RNLS: variants seen among roughly 807,000 people sequenced by gnomAD.
RNLS encodes the protein renalase, FAD dependent amine oxidase, also known as renalase.
RNLS carries 39 observed loss-of-function variants against 39.8 expected under a neutral mutation model. The observed-to-expected ratio is 0.98, with a 90% CI of 0.76 to 1.28. The LOEUF is 1.28. Among genes scored for constraint, RNLS ranks in the 50% most tolerant of loss-of-function variants. The pLI is 0.00. For synonymous variants in RNLS, 147 were observed against 150.7 expected (o/e 0.98, Z 0.18); for missense variants, 410 against 413.3 (o/e 0.99, Z 0.07).
intron 4 of RNLS, among the ~76,000 whole-genome samples, chr10:88,563,866 G>A (rs1253936722): frequency 6.6e-6 from 1 of 152,132 alleles, no homozygotes; most frequent in Non-Finnish European, 1.5e-5. Flanking sequence ...ATTTTTAAAT[G>A]TAAGCAAAAT....
chr10:88,277,894 A>G (rs1020240484), intron 6 of RNLS, among the ~76,000 whole-genome samples: 48 of 152,192 alleles, frequency 3.2e-4, no homozygotes, highest in African/African-American at 1.1e-3. Context: ...TCCCGTTTCT[A>G]AATTTATCAT....
At chr10:88,175,267 T>C in the RNLS span, among the ~76,000 whole-genome samples, 1 of 152,102 alleles carries the variant, frequency 6.6e-6, no homozygotes, top group African/African-American at 2.4e-5. Flanking sequence ...TCTGATTTTA[T>C]AGTTTCCTTC....
chr10:88,576,828 A>G (rs527260665), intron 3 of RNLS, among the ~76,000 whole-genome samples: 108 of 152,208 alleles, frequency 7.1e-4, no homozygotes, highest in Admixed American at 2.0e-3. Context: ...TAATAAATTG[A>G]TCTTGTCAAT....
chr10:88,267,848 T>C, the RNLS span, among the ~76,000 whole-genome samples: 1 of 152,166 alleles, frequency 6.6e-6, no homozygotes, highest in African/African-American at 2.4e-5. Context: ...AGTGTCTTCT[T>C]AAAGGTCTCA....
intron 4 of RNLS, among the ~76,000 whole-genome samples, chr10:88,544,636 A>G (rs577538196): frequency 2.2e-4 from 33 of 152,322 alleles, no homozygotes; most frequent in African/African-American, 7.9e-4. Flanking sequence ...TTAAAATGTC[A>G]AGTGTGGCCT....
intron 4 of RNLS, among the ~76,000 whole-genome samples, chr10:88,449,873 G>A (rs1448331434): frequency 6.6e-6 from 1 of 152,010 alleles, no homozygotes; most frequent in East Asian, 1.9e-4. Context: ...AAAGAATGTT[G>A]GAGCTCTCTG....
At chr10:88,370,165 T>C in intron 4 of RNLS, among the ~76,000 whole-genome samples, 1 of 152,156 alleles carries the variant, frequency 6.6e-6, no homozygotes. Context: ...ACCAAATCCA[T>C]GGGCCCAGGA....
the RNLS span, among the ~76,000 whole-genome samples, chr10:88,240,434 T>C: frequency 6.6e-6 from 1 of 151,948 alleles, no homozygotes; most frequent in Non-Finnish European, 1.5e-5. Flanking sequence ...AAATTTAGGC[T>C]ACTGGCACTA....
At chr10:88,529,405 A>T (rs1401322943) in intron 4 of RNLS, among the ~76,000 whole-genome samples, 1 of 152,134 alleles carries the variant, frequency 6.6e-6, no homozygotes, top group African/African-American at 2.4e-5. Context: ...CATTCTTCCA[A>T]CATGCTATAT....
At chr10:88,538,144 G>T (rs571505587) in intron 4 of RNLS, among the ~76,000 whole-genome samples, 2 of 152,254 alleles carry the variant, frequency 1.3e-5, no homozygotes, top group South Asian at 2.1e-4. Context: ...GCCAGACAGG[G>T]TCTTTATTTA....
intron 4 of RNLS, among the ~76,000 whole-genome samples, chr10:88,500,934 A>T (rs747665595): frequency 6.6e-6 from 1 of 151,992 alleles, no homozygotes; most frequent in Non-Finnish European, 1.5e-5. Context: ...ATGTAATGAG[A>T]TTATTGTTTT....
the RNLS span, among the ~76,000 whole-genome samples, chr10:88,240,406 C>CTT: frequency 8.0e-3 from 866 of 108,660 alleles, 9 homozygotes; most frequent in East Asian, 0.04. Flanking sequence ...GCAAAAAGTC[C>CTT]TTTTTTTAAA....
intron 4 of RNLS, among the ~76,000 whole-genome samples, chr10:88,363,322 A>T (rs544183312): frequency 1.0e-3 from 155 of 152,180 alleles, no homozygotes; most frequent in Non-Finnish European, 1.9e-3. Flanking sequence ...GGATGGGATG[A>T]TCTGTGCAGC....
intron 4 of RNLS, among the ~76,000 whole-genome samples, chr10:88,437,924 C>T (rs560044035): frequency 3.3e-5 from 5 of 151,940 alleles, no homozygotes; most frequent in African/African-American, 9.7e-5. Flanking sequence ...GTTGGGAGTT[C>T]GAGACCAGCC....
chr10:88,214,051 G>T, the RNLS span, among the ~76,000 whole-genome samples: 1 of 152,088 alleles, frequency 6.6e-6, no homozygotes, highest in East Asian at 1.9e-4. Context: ...TCCATTTCTC[G>T]GCTCTGTCTT....
chr10:88,270,987 C>T (rs1042639683), downstream of RNLS, among the ~76,000 whole-genome samples: 1 of 152,090 alleles, frequency 6.6e-6, no homozygotes, highest in African/African-American at 2.4e-5. Flanking sequence ...CTGCTCTTGG[C>T]GGGCTGGTGG....
At position 88,285,522 on chromosome 10, in the gene RNLS, G is replaced by A. The variant is rs768804848; in HGVS notation, c.877-16C>T. On this transcript the variant is annotated splice_polypyrimidine_tract_variant and intron_variant, in intron 6 of 6. Transcript: ENST00000331772. The stretch of plus-strand genomic sequence containing the variant: ...CATTTGTAACCTGAAAAAGTAAAAA[G>A]AGGATTGCAATTGACATTCTGTGCT... 16 of 1,609,836 alleles carry A rather than the reference G, an allele frequency of 9.9e-6. No individual in the cohort carries two copies. The highest frequency in any genetic ancestry group is 3.3e-5 in the Admixed American group (2 of 59,822).
intron 4 of RNLS, among the ~76,000 whole-genome samples, chr10:88,484,868 T>C (rs1313902542): frequency 6.6e-6 from 1 of 152,006 alleles, no homozygotes; most frequent in African/African-American, 2.4e-5. Context: ...AAATAGTCAG[T>C]TGAGGCATTT....
intron 5 of RNLS, among the ~76,000 whole-genome samples, chr10:88,355,166 C>T (rs1199287266): frequency 2.0e-5 from 3 of 152,184 alleles, no homozygotes; most frequent in African/African-American, 7.2e-5. Flanking sequence ...AGAACTTCCT[C>T]CTTTAGCTTG....
Sources: gnomAD v4.1 joint callset for allele counts (sites outside exome capture counted in the v4.1 genomes callset) on GRCh38, gnomAD v4.1.1 for gene constraint, MANE v1.5 for transcripts, NCBI Gene and HGNC (gene_info 2026-07-23, HGNC 2026-07-21) for gene names.